CLK3: variants seen among roughly 807,000 people sequenced by gnomAD.
CLK3 encodes the protein dual specificity protein kinase CLK3.
CLK3 carries 24 observed loss-of-function variants against 65.2 expected under a neutral mutation model. The ratio of observed to expected loss-of-function variants is 0.37; its 90% CI spans 0.27 to 0.52. CLK3 has a LOEUF of 0.52. CLK3 is among the 20% of genes least tolerant of loss of function. The pLI, the probability that CLK3 is intolerant of heterozygous loss-of-function variation, is 0.92. For synonymous variants in CLK3, 252 were observed against 240.8 expected (o/e 1.05, Z -0.43); for missense variants, 506 against 660.0 (o/e 0.77, Z 2.56).
intron 1 of CLK3, 68 bp from the exon 2 acceptor site, chr15:74,619,129 C>G: frequency 6.3e-7 from 1 of 1,586,104 alleles, no homozygotes; most frequent in Non-Finnish European, 8.6e-7. Context: ...CCGGGAAGCC[C>G]CAGCAGCCCC....
In CLK3 at chr15:74,628,010, C is replaced by G. The variant is rs762428756; in HGVS notation, c.1083C>G (p.Gly361=). Residue 361 remains glycine, a synonymous_variant, in exon 10 of 13, where the codon GGC becomes GGG. Coordinates refer to ENST00000395066, the MANE Select transcript of CLK3 (RefSeq NM_001130028.2). Reference sequence around the variant, plus strand: ...AGCCCTGTGACGTCTGGAGCATTGGCTGCATTCTCTTTGAGTACTACCGGG... The same window carrying G: ...AGCCCTGTGACGTCTGGAGCATTGGGTGCATTCTCTTTGAGTACTACCGGG... ...WAQPCDVWSI[G]CILFEYYRGF... 4.6e-5 allele frequency: 74 copies of G among 1,613,808 alleles called. No homozygotes were observed. Among genetic ancestry groups the G allele is most frequent in the Non-Finnish European group, 6.3e-5 (74 of 1,179,786 alleles).
chr15:74,619,311 C>G lies in CLK3; in HGVS notation c.115C>G (p.Arg39Gly). 1.2e-6 allele frequency: 2 copies of G among 1,614,124 alleles called. No individual in the cohort carries two copies. The change falls in exon 2 of 13, where the codon CGA (arginine) becomes GGA (glycine). Residue 39 changes from arginine to glycine, a missense_variant. Arg to Gly is a moderately radical substitution (Grantham distance 125, BLOSUM62 -2). Coordinates refer to ENST00000395066, the MANE Select transcript of CLK3 (RefSeq NM_001130028.2). ...TGAAGGGAGACTGCGATACCCGTCCCGAAGGGAGCCTCCCCCACGAAGATC... is the reference window on the plus strand; with the variant it reads ...TGAAGGGAGACTGCGATACCCGTCCGGAAGGGAGCCTCCCCCACGAAGATC... Reference protein sequence around the residue: ...EHEGRLRYPSRREPPPRRSRS... With the variant: ...EHEGRLRYPSGREPPPRRSRS...
chr15:74,612,793 C>T (rs1035304559), upstream of CLK3, among the ~76,000 whole-genome samples: 6 of 152,238 alleles, frequency 3.9e-5, no homozygotes, highest in African/African-American at 1.4e-4. Flanking sequence ...GAGGACTGGC[C>T]GCTGCCCCCA....
At chr15:74,619,795 C>T (rs1461360506) in intron 2 of CLK3, among the ~76,000 whole-genome samples, 1 of 152,196 alleles carries the variant, frequency 6.6e-6, no homozygotes, top group African/African-American at 2.4e-5. Flanking sequence ...CTGTACCCCT[C>T]CTCCTACAGC....
At chr15:74,609,492 G>A (rs1163479364) in intron 1 of CLK3, among the ~76,000 whole-genome samples, 1 of 152,252 alleles carries the variant, frequency 6.6e-6, no homozygotes, top group Non-Finnish European at 1.5e-5. Context: ...CAGGAATGGG[G>A]CCCAGGCTCC....
upstream of CLK3, chr15:74,615,792 C>T (rs1352398205): frequency 3.2e-6 from 4 of 1,242,596 alleles, no homozygotes; most frequent in Non-Finnish European, 3.0e-6. Context: ...GCGACGGCTG[C>T]GTCACGCGAG....
chr15:74,622,333 A>G lies in CLK3; in HGVS notation c.466+117A>G, dbSNP rs2062110316. On this transcript the variant is annotated intron_variant, in intron 4 of 12. Coordinates refer to ENST00000395066, the MANE Select transcript of CLK3 (RefSeq NM_001130028.2). This position sits in a 1 kb window ranked among gnomAD's most constrained non-coding sequence, Gnocchi z 4.6. ...GTGGTGCCTTAGCGGGGCCACCAGT[A>G]ATTGCCTGAATGACACAGACACTAG... The G allele has an allele frequency of 2.8e-6, 3 of 1,058,956 alleles. No homozygotes were observed. Among genetic ancestry groups the G allele is most frequent in the Non-Finnish European group, 2.8e-6 (2 of 707,120 alleles). The allele number at this position is 1,058,956 out of a possible 1,614,324, so 65.6% of individuals were successfully genotyped here.
At position 74,629,790 on chromosome 15, in the gene CLK3, C is replaced by T; in HGVS notation, c.1380C>T (p.Arg460=). 6.2e-7 allele frequency: 1 copy of T among 1,613,660 alleles called. No individual in the cohort carries two copies. Among genetic ancestry groups the T allele is most frequent in the Non-Finnish European group, 8.5e-7 (1 of 1,179,742 alleles). ...RRMLEFDPAQ[R]ITLAEALLHP... ...TGTTAGAATTTGACCCTGCCCAGCG[C>T]ATCACACTGGCCGAGGCCCTGCTGC... Residue 460 remains arginine (R), a synonymous_variant, in exon 13 of 13, where the codon CGC becomes CGT. Coordinates refer to ENST00000395066, the MANE Select transcript of CLK3 (RefSeq NM_001130028.2).
intron 1 of CLK3, 162 bp from the exon 2 acceptor site, chr15:74,619,035 G>A (rs1393990654): frequency 1.3e-6 from 1 of 752,214 alleles, no homozygotes; most frequent in Non-Finnish European, 2.2e-6. Flanking sequence ...TGTTTGACCA[G>A]TGTGACCTCA....
chr15:74,620,562 G>A, intron 3 of CLK3: 2 of 404,614 alleles, frequency 4.9e-6, no homozygotes, highest in East Asian at 4.6e-5. Flanking sequence ...AGGGATCCTA[G>A]TAGAGTGGCT....
Position 74,628,687 on chromosome 15 carries a change from A to G in CLK3, c.1205+4A>G. ...CACACATGATCCACCGTACCAGGTA[A>G]GGACCCCAGTAGCCCCCTCAGGGTT... is the stretch of plus-strand genomic sequence containing the variant. On this transcript the variant is annotated splice_donor_region_variant and intron_variant, in intron 11 of 12. Coordinates refer to ENST00000395066, the MANE Select transcript of CLK3 (RefSeq NM_001130028.2). The G allele has an allele frequency of 6.2e-7, 1 of 1,610,032 alleles. No homozygotes were observed. Among genetic ancestry groups the G allele is most frequent in the Non-Finnish European group, 8.5e-7 (1 of 1,177,862 alleles).
chr15:74,629,077 C>A (rs1356316682), intron 12 of CLK3, 45 bp downstream of exon 12: 2 of 1,395,316 alleles, frequency 1.4e-6, no homozygotes, highest in East Asian at 2.3e-5. Context: ...CAAGGAGAGA[C>A]CCCAGGCACT....
At chr15:74,628,738 C>CT (rs2062165322) in intron 11 of CLK3, 55 bp downstream of exon 11, 2 of 1,444,522 alleles carry the variant, frequency 1.4e-6, no homozygotes, top group Admixed American at 3.9e-5. Context: ...CTCTTCTTGG[C>CT]TGTGGGTCAG....
chr15:74,615,769 C>A, upstream of CLK3: 1 of 1,242,324 alleles, frequency 8.0e-7, no homozygotes, highest in South Asian at 3.4e-5. Context: ...CGAGCCGGGT[C>A]GAGCCGAGGC....
chr15:74,627,616 C>A lies in CLK3; in HGVS notation c.990C>A (p.His330Gln). The A allele has an allele frequency of 3.1e-6, 5 of 1,614,132 alleles. No individual in the cohort carries two copies. The highest frequency in any genetic ancestry group is 4.2e-6 in the Non-Finnish European group (5 of 1,180,034). The change falls in exon 9 of 13, where the codon CAC becomes CAA. Residue 330 changes from histidine to glutamine, a missense_variant. This residue lies in a region of CLK3 where 325 missense variants were observed against 500.5 expected (regional missense o/e 0.65). Coordinates refer to ENST00000395066, the MANE Select transcript of CLK3 (RefSeq NM_001130028.2). This position sits in a 1 kb window ranked among gnomAD's most constrained non-coding sequence, Gnocchi z 4.3. The stretch of plus-strand genomic sequence containing the variant: ...GCAGTGCCACATTTGACCATGAGCA[C>A]CACACCACCATTGTGGCCACCCGTC... ...DFGSATFDHE[H>Q]HTTIVATRHY...
At chr15:74,625,731 C>A (rs1291457122) in intron 6 of CLK3, 71 bp from the exon 7 acceptor site, 20 of 1,556,580 alleles carry the variant, frequency 1.3e-5, no homozygotes, top group Non-Finnish European at 1.6e-5. Context: ...TGGGAACTGT[C>A]TTCATCTGAG....
At chr15:74,618,127 G>A (rs79302131) in intron 1 of CLK3, among the ~76,000 whole-genome samples, 5,217 of 152,294 alleles carry the variant, frequency 0.034, 125 homozygotes, top group Middle Eastern at 0.12. Flanking sequence ...TGTACAAAAT[G>A]TGCTTGGCCA....
At chr15:74,616,954 C>G (rs963125982) in intron 1 of CLK3, among the ~76,000 whole-genome samples, 2 of 152,226 alleles carry the variant, frequency 1.3e-5, no homozygotes, top group African/African-American at 4.8e-5. Context: ...TGGCCTTTAG[C>G]TGCTTTTTAA....
At chr15:74,616,046 C>T (rs1047984068) in intron 1 of CLK3, 148 bp downstream of exon 1, 7 of 569,584 alleles carry the variant, frequency 1.2e-5, no homozygotes, top group African/African-American at 1.9e-5. Context: ...CCTCTCACCC[C>T]TGACCCGCTG....
Sources: gnomAD v4.1 joint callset for allele counts (sites outside exome capture counted in the v4.1 genomes callset) on GRCh38, gnomAD v4.1.1 for gene constraint, gnomAD v4.1.1 regional missense constraint, Gnocchi (gnomAD v3.1) non-coding constraint, MANE v1.5 for transcripts, NCBI Gene and HGNC (gene_info 2026-07-23, HGNC 2026-07-21) for gene names.